FNBP1: variants seen among roughly 807,000 people sequenced by gnomAD.
FNBP1 encodes formin-binding protein 1.
A neutral mutation model predicts 90.6 loss-of-function variants in FNBP1; 26 were observed. The ratio of observed to expected loss-of-function variants is 0.29; its 90% confidence interval spans 0.21 to 0.40. The LOEUF is 0.40. Among genes scored for constraint, FNBP1 ranks in the 10% least tolerant of loss-of-function variants. The pLI is 1.00. For synonymous variants in FNBP1, 260 were observed against 265.2 expected (o/e 0.98, Z 0.19); for missense variants, 635 against 768.0 (o/e 0.83, Z 2.05).
intron 10 of FNBP1, among the ~76,000 whole-genome samples, chr9:129,917,463 G>C (rs1316423735): frequency 6.6e-6 from 1 of 152,088 alleles, no homozygotes; most frequent in Non-Finnish European, 1.5e-5. Context: ...CTCCTGAGTA[G>C]CTGGGACTAT....
At chr9:130,032,127 C>A (rs943554185) in intron 1 of FNBP1, among the ~76,000 whole-genome samples, 1 of 151,624 alleles carries the variant, frequency 6.6e-6, no homozygotes, top group Non-Finnish European at 1.5e-5. Context: ...TGAAACTGAA[C>A]AATGTAAATA....
intron 13 of FNBP1, among the ~76,000 whole-genome samples, chr9:129,901,212 C>A (rs1381957844): frequency 1.3e-5 from 2 of 152,026 alleles, no homozygotes; most frequent in Non-Finnish European, 2.9e-5. Context: ...TTCAGACCAG[C>A]CTGGCCAACA....
At chr9:129,983,742 C>T (rs184628285) in intron 2 of FNBP1, among the ~76,000 whole-genome samples, 2 of 152,026 alleles carry the variant, frequency 1.3e-5, no homozygotes, top group Admixed American at 1.3e-4. Flanking sequence ...ACCTGGGAGG[C>T]GGAGGTTGCA....
chr9:129,986,622 T>C (rs1429979370), intron 2 of FNBP1, among the ~76,000 whole-genome samples: 1 of 151,110 alleles, frequency 6.6e-6, no homozygotes, highest in East Asian at 1.9e-4. Flanking sequence ...AAACCCCGTC[T>C]CTATTAAAAG....
Position 129,979,341 on chromosome 9 carries a change from G to A in FNBP1, c.174C>T (p.Asn58=), listed in dbSNP as rs750049133. ...NLSKKYQPKK[N]SKEEEEYKYT... is the part of the protein sequence containing the mutation. Reference sequence around the variant, plus strand: ...ACTTGTATTCTTCTTCCTCCTTCGAGTTCTTTTTAGGTTGGTACTTCTTTG... The same window carrying A: ...ACTTGTATTCTTCTTCCTCCTTCGAATTCTTTTTAGGTTGGTACTTCTTTG... The change falls in exon 3 of 17, where the codon AAC becomes AAT. Residue 58 remains asparagine, a synonymous_variant. Transcript: ENST00000446176. 1 of 1,607,122 alleles carries A rather than the reference G, an allele frequency of 6.2e-7. No homozygotes were observed. The highest frequency in any genetic ancestry group is 2.2e-5 in the East Asian group (1 of 44,750).
At chr9:129,907,594 T>A (rs905562391) in intron 12 of FNBP1, among the ~76,000 whole-genome samples, 1 of 15,594 alleles carries the variant, frequency 6.4e-5, no homozygotes, top group Non-Finnish European at 2.0e-4. Flanking sequence ...TGTGTGTGTG[T>A]GTGTGTGTGT....
At chr9:129,921,332 C>T (rs1158575270) in intron 10 of FNBP1, among the ~76,000 whole-genome samples, 3 of 151,194 alleles carry the variant, frequency 2.0e-5, no homozygotes, top group African/African-American at 7.3e-5. Flanking sequence ...GCAATCCTCT[C>T]ATCCCAGCCT....
chr9:130,014,133 C>T (rs1332203831), intron 1 of FNBP1: 1 of 449,728 alleles, frequency 2.2e-6, no homozygotes, highest in Non-Finnish European at 4.5e-6. Context: ...AGAATATGTT[C>T]AATGCAAAAT....
intron 6 of FNBP1, among the ~76,000 whole-genome samples, chr9:129,935,194 G>C (rs1263238314): frequency 6.8e-6 from 1 of 146,608 alleles, no homozygotes. Context: ...CACCATCATA[G>C]CTCACTGCAG....
the FNBP1 span, chr9:130,053,717 C>G: frequency 3.5e-6 from 2 of 579,072 alleles, no homozygotes; most frequent in East Asian, 6.1e-5. Context: ...GGCTTCATCT[C>G]TAACTGAAAG....
chr9:129,961,306 C>T (rs754089079), intron 4 of FNBP1, among the ~76,000 whole-genome samples: 84 of 151,860 alleles, frequency 5.5e-4, no homozygotes, highest in Non-Finnish European at 1.1e-3. Flanking sequence ...ATAGAGACTC[C>T]ATCTCAAAAA....
chr9:129,907,532 CA>C (rs1258527313), intron 12 of FNBP1, among the ~76,000 whole-genome samples: 1 of 151,574 alleles, frequency 6.6e-6, no homozygotes, highest in African/African-American at 2.4e-5. Flanking sequence ...AGGTGGAATG[CA>C]GTGGTATACC....
In FNBP1 at chr9:129,914,755, G is replaced by GTGTGTATA. The variant is rs71499203; in HGVS notation, c.1185+1210_1185+1211insTATACACA. The stretch of plus-strand genomic sequence containing the variant: ...AAAAATTATGTATATACATACATAT[G>GTGTGTATA]TCTATATATATATATATATATATAT... On this transcript the variant is annotated intron_variant, in intron 11 of 16. Transcript: ENST00000446176. 4.9e-3 allele frequency among the ~76,000 whole-genome samples: 483 copies of GTGTGTATA among 98,404 alleles called. 9 individuals are homozygous for GTGTGTATA. The highest frequency in any genetic ancestry group is 0.012 in the Middle Eastern group (2 of 168). The allele number at this position is 98,404 out of a possible 152,430, so 64.6% of individuals were successfully genotyped here.
intron 2 of FNBP1, among the ~76,000 whole-genome samples, chr9:129,982,478 G>GA (rs1335789710): frequency 6.6e-6 from 1 of 150,824 alleles, no homozygotes; most frequent in Non-Finnish European, 1.5e-5. Context: ...CTCAAAAAAA[G>GA]AAAAAAGAAA....
chr9:129,893,331 C>T (rs1447736668), intron 16 of FNBP1, among the ~76,000 whole-genome samples: 2 of 151,438 alleles, frequency 1.3e-5, no homozygotes, highest in African/African-American at 4.9e-5. Context: ...GGGCCTGGCA[C>T]GGTGGCTCAC....
chr9:129,935,480 CTTT>C (rs2043288764), intron 6 of FNBP1, among the ~76,000 whole-genome samples: 1 of 6,142 alleles, frequency 1.6e-4, no homozygotes, highest in African/African-American at 3.3e-4. Context: ...CATCATTTTT[CTTT>C]TCTTTTCTTT....
rs1029456477 is a variant in FNBP1 at position 130,042,704 on chromosome 9, G to A, written c.24+248C>T. On this transcript the variant is annotated intron_variant, in intron 1 of 16. Transcript: ENST00000446176. The surrounding 1 kb of genome is among the most constrained non-coding windows in gnomAD (Gnocchi z 5.5). ...GCCGGGGACAGGGAGGCCCGCCCGC[G>A]CCGTTCCTCAGGCCGCCGGGGACCC... Among the ~76,000 whole-genome samples the A allele has an allele frequency of 1.3e-5, 2 of 151,368 alleles. No homozygotes were observed. The highest frequency in any genetic ancestry group is 3.9e-4 in the East Asian group (2 of 5,118).
At position 129,937,127 on chromosome 9, in the gene FNBP1, G is replaced by A. The variant is rs112919082; in HGVS notation, c.514-7432C>T. On this transcript the variant is annotated intron_variant, in intron 6 of 16. Coordinates refer to ENST00000446176, the MANE Select transcript of FNBP1 (RefSeq NM_015033.3). ...AGAGGCTGCAGTGAGCCAAGGTCAC[G>A]CCACTGCACTCCAGCCTGGGGGACA... 8.5e-3 allele frequency among the ~76,000 whole-genome samples: 1,289 copies of A among 151,898 alleles called. 15 individuals are homozygous for A. The highest frequency in any genetic ancestry group is 0.03 in the African/African-American group (1,232 of 41,412).
intron 6 of FNBP1, among the ~76,000 whole-genome samples, chr9:129,942,884 G>A (rs2132376881): frequency 6.7e-6 from 1 of 149,430 alleles, no homozygotes; most frequent in South Asian, 2.1e-4. Flanking sequence ...GGGGTGGGGT[G>A]GTCTCACTAT....
Sources: gnomAD v4.1 joint callset for allele counts (sites outside exome capture counted in the v4.1 genomes callset) on GRCh38, gnomAD v4.1.1 for gene constraint, Gnocchi (gnomAD v3.1) non-coding constraint, MANE v1.5 for transcripts, NCBI Gene and HGNC (gene_info 2026-07-23, HGNC 2026-07-21) for gene names.